HEPHL1: variants seen among roughly 807,000 people sequenced by gnomAD.
The protein encoded by HEPHL1 is hephaestin like 1.
A neutral mutation model predicts 122.0 loss-of-function variants in HEPHL1; 123 were observed. That is an observed-to-expected ratio of 1.01 (90% CI 0.87 to 1.17). The LOEUF (loss-of-function observed/expected upper bound fraction) is 1.17. Among genes scored for constraint, HEPHL1 ranks in the 50% most tolerant of loss-of-function variants. The probability of loss-of-function intolerance (pLI) is 0.00; values close to 1 mark genes in which losing one functional copy is unlikely to be tolerated. For missense variants in HEPHL1, 1,452 were observed against 1,430.5 expected, an observed-to-expected ratio of 1.01 and a Z score of -0.24; for synonymous variants, 527 against 508.9, an observed-to-expected ratio of 1.04 and a Z score of -0.48.
At chr11:94,057,522 T>C (rs1259308488) in intron 2 of HEPHL1, among the ~76,000 whole-genome samples, 1 of 152,152 alleles carries the variant, frequency 6.6e-6, no homozygotes, top group Admixed American at 6.6e-5. Flanking sequence ...ACTGATACTT[T>C]CTTTTGCTTT....
rs1465689505 is a variant in HEPHL1, at chr11:94,111,577, A to G, written c.3249A>G (p.Ala1083=). Residue 1083 remains alanine, a synonymous_variant, in exon 19 of 20, where the codon GCA becomes GCG. Coordinates refer to ENST00000315765, the MANE Select transcript of HEPHL1 (RefSeq NM_001098672.2). ...ACTCCACCACATCTCCTGGAGTGGC[A>G]TCTCACCCAGCCACGGTGCCATCTA... The part of the protein sequence containing the change: ...IPYSTTSPGV[A]SHPATVPSNE... 1 of 1,606,346 alleles carries G rather than the reference A, an allele frequency of 6.2e-7. No individual in the cohort carries two copies. The highest frequency in any genetic ancestry group is 8.5e-7 in the Non-Finnish European group (1 of 1,176,134).
chr11:94,063,682 G>T lies in HEPHL1; in HGVS notation c.590G>T (p.Cys197Phe), dbSNP rs1217696217. The T allele has an allele frequency of 1.2e-6, 2 of 1,613,674 alleles. No individual in the cohort carries two copies. Among genetic ancestry groups the T allele is most frequent in the Non-Finnish European group, 1.7e-6 (2 of 1,179,816 alleles). Reference sequence around the variant, plus strand: ...CACATCGACGCCCCAAAGGACATCTGCTCTGGGCTAATTGGGCCCCTGCTG... The same window carrying T: ...CACATCGACGCCCCAAAGGACATCTTCTCTGGGCTAATTGGGCCCCTGCTG... The part of the protein sequence containing the change: ...HSHIDAPKDI[C>F]SGLIGPLLVC... Residue 197 changes from cysteine to phenylalanine, a missense_variant, in exon 3 of 20, where the codon TGC becomes TTC. Cys to Phe is a radical substitution (Grantham distance 205, BLOSUM62 -2). Transcript: ENST00000315765.
Position 94,045,584 on chromosome 11 carries a change from T to C in HEPHL1, c.171-89T>C, listed in dbSNP as rs1051076707. ...ATAGTGAACACCAAATGAGAGGTCATACATGCAATACTTTATAAACTCCTA... is the reference window on the plus strand; with the variant it reads ...ATAGTGAACACCAAATGAGAGGTCACACATGCAATACTTTATAAACTCCTA... On this transcript the variant is annotated intron_variant, in intron 1 of 19. Coordinates refer to ENST00000315765, the MANE Select transcript of HEPHL1 (RefSeq NM_001098672.2). 3 of 1,127,746 alleles carry C rather than the reference T, an allele frequency of 2.7e-6. No homozygotes were observed. The African/African-American group carries it at 4.7e-5, about 18-fold the overall frequency. The allele number at this position is 1,127,746 out of a possible 1,614,324, so 69.9% of individuals were successfully genotyped here.
intron 12 of HEPHL1, among the ~76,000 whole-genome samples, chr11:94,091,329 A>G (rs1454974387): frequency 6.6e-6 from 1 of 152,186 alleles, no homozygotes; most frequent in Admixed American, 6.5e-5. Context: ...CCTCATATCA[A>G]TTCCATGAGG....
At chr11:94,080,283 T>C (rs762047901) in intron 9 of HEPHL1, among the ~76,000 whole-genome samples, 1 of 152,156 alleles carries the variant, frequency 6.6e-6, no homozygotes, top group Admixed American at 6.5e-5. Context: ...TTACACCTTA[T>C]ACAAAAATTA....
chr11:94,053,197 T>C (rs1175321772), intron 2 of HEPHL1, among the ~76,000 whole-genome samples: 1 of 152,102 alleles, frequency 6.6e-6, no homozygotes. Context: ...TTTGGTAACT[T>C]GTGTCTTCCT....
rs537381374 is a variant in HEPHL1 at position 94,106,574 on chromosome 11, C to T, written c.3045+444C>T. On this transcript the variant is annotated intron_variant, in intron 17 of 19. Coordinates refer to ENST00000315765, the MANE Select transcript of HEPHL1 (RefSeq NM_001098672.2). ...CCTCCCACAGTGCTGAGATTACAGG[C>T]GTGAGCCACCACGCCAGGCCTGGCT... Among the ~76,000 whole-genome samples the T allele has an allele frequency of 2.0e-4, 30 of 152,056 alleles. 2 individuals carry two copies. Among genetic ancestry groups the T allele is most frequent in the African/African-American group, 6.5e-4 (27 of 41,518 alleles).
chr11:94,037,552 TCCCTGAC>T (rs1277596904), intron 1 of HEPHL1, among the ~76,000 whole-genome samples: 1 of 152,010 alleles, frequency 6.6e-6, no homozygotes, highest in Non-Finnish European at 1.5e-5. Flanking sequence ...CTCAAGTGGG[TCCCTGAC>T]CCCTGACCCC....
At position 94,110,606 on chromosome 11, in the gene HEPHL1, C is replaced by A. The variant is rs77753703; in HGVS notation, c.3046-297C>A. Reference sequence around the variant, plus strand: ...ACATGCTATTGATTTCGCATACCAACCCTTATACAATGTAGGTAGGAACCA... The same window carrying A: ...ACATGCTATTGATTTCGCATACCAAACCTTATACAATGTAGGTAGGAACCA... On this transcript the variant is annotated intron_variant, in intron 17 of 19. Coordinates refer to ENST00000315765, the MANE Select transcript of HEPHL1 (RefSeq NM_001098672.2). Among the ~76,000 whole-genome samples the A allele has an allele frequency of 5.5e-3, 836 of 152,242 alleles. 6 individuals carry two copies. The highest frequency in any genetic ancestry group is 0.017 in the Middle Eastern group (5 of 294).
intron 14 of HEPHL1, 68 bp from the exon 15 acceptor site, chr11:94,102,846 A>G (rs1459564666): frequency 1.3e-6 from 1 of 798,682 alleles, no homozygotes; most frequent in Non-Finnish European, 2.1e-6. Context: ...ACCTGCTTAT[A>G]TTTCTTCAGA....
intron 2 of HEPHL1, among the ~76,000 whole-genome samples, chr11:94,047,443 A>C (rs1465889503): frequency 6.6e-6 from 1 of 152,080 alleles, no homozygotes; most frequent in Non-Finnish European, 1.5e-5. Context: ...CCCACTTATA[A>C]GTGAGAATAT....
chr11:94,112,192 G>T lies in HEPHL1; in HGVS notation c.*298G>T, dbSNP rs1946455869. 4.1e-6 allele frequency: 1 copy of T among 241,442 alleles called. No individual in the cohort carries two copies. The highest frequency in any genetic ancestry group is 7.9e-6 in the Non-Finnish European group (1 of 126,940). The allele number at this position is 241,442 out of a possible 1,614,324, so 15.0% of individuals were successfully genotyped here. A position where few individuals can be genotyped will look rare whatever the true frequency, so the allele number is the denominator to read the frequency against. Reference sequence around the variant, plus strand: ...TCACTGAATAGGAGACACTCTGAAAGATATCTTTATATTCCATCTTTTATA... The same window carrying T: ...TCACTGAATAGGAGACACTCTGAAATATATCTTTATATTCCATCTTTTATA... On this transcript the variant is annotated 3_prime_UTR_variant, in exon 20 of 20. Transcript: ENST00000315765.
Position 94,075,173 on chromosome 11 carries a change from G to A in HEPHL1, c.1505-1G>A. 4 of 1,611,832 alleles carry A rather than the reference G, an allele frequency of 2.5e-6. No homozygotes were observed. The highest frequency in any genetic ancestry group is 3.4e-6 in the Non-Finnish European group (4 of 1,178,814). ...AATAATTGTTTTGTTTATATCCTCA[G>A]GATTTGTGAAACCAGGGGCGCATGT... On this transcript the variant is annotated splice_acceptor_variant, in intron 8 of 19. Coordinates refer to ENST00000315765, the MANE Select transcript of HEPHL1 (RefSeq NM_001098672.2). LOFTEE classifies it high-confidence loss of function.
Position 94,104,765 on chromosome 11 carries a change from T to C in HEPHL1, c.2905+15T>C. The C allele has an allele frequency of 6.4e-7, 1 of 1,573,794 alleles. No homozygotes were observed. Among genetic ancestry groups the C allele is most frequent in the Non-Finnish European group, 8.7e-7 (1 of 1,146,984 alleles). On this transcript the variant is annotated intron_variant, in intron 16 of 19. Transcript: ENST00000315765. ...CAGAATGCATGGTATATCCAAAGTT[T>C]AAAAAGAAGCCTATGTTGAGATAAG...
At position 94,045,712 on chromosome 11, in the gene HEPHL1, A is replaced by G; in HGVS notation, c.210A>G (p.Ile70Met). 1 of 1,612,320 alleles carries G rather than the reference A, an allele frequency of 6.2e-7. No individual in the cohort carries two copies. The highest frequency in any genetic ancestry group is 8.5e-7 in the Non-Finnish European group (1 of 1,178,954). ...TLFLERGPNR[I>M]GSIYKKAVYR... ...TTCTCGAAAGAGGGCCCAACAGGAT[A>G]GGCAGTATTTACAAAAAGGCTGTTT... Residue 70 changes from isoleucine to methionine, a missense_variant, in exon 2 of 20, where the codon ATA becomes ATG. Transcript: ENST00000315765.
At chr11:94,076,678 A>G (rs1946128081) in intron 9 of HEPHL1, among the ~76,000 whole-genome samples, 1 of 152,144 alleles carries the variant, frequency 6.6e-6, no homozygotes. Context: ...ATTTGGCCAG[A>G]TGGAAAGGTA....
intron 16 of HEPHL1, among the ~76,000 whole-genome samples, chr11:94,105,295 G>A (rs940521753): frequency 1.5e-4 from 23 of 152,136 alleles, no homozygotes; most frequent in African/African-American, 4.8e-4. Flanking sequence ...AAAGCTACTT[G>A]TTAATATAGA....
chr11:94,046,345 G>A (rs113313258), intron 2 of HEPHL1, among the ~76,000 whole-genome samples: 8 of 151,034 alleles, frequency 5.3e-5, no homozygotes, highest in South Asian at 2.1e-4. Context: ...TGATCCGCCC[G>A]CCTCAGCCTC....
At position 94,075,273 on chromosome 11, in the gene HEPHL1, G is replaced by C. The variant is rs765303188; in HGVS notation, c.1604G>C (p.Cys535Ser). The part of the protein sequence containing the change: ...SVSPTAGDPP[C>S]LTYLYFSAVD... The stretch of plus-strand genomic sequence containing the variant: ...AGCCCAACTGCTGGTGATCCTCCCT[G>C]TCTGACCTATCTTTACTTCTCAGCA... The change falls in exon 9 of 20, where the codon TGT becomes TCT. Residue 535 changes from cysteine (C) to serine (S), a missense_variant. By Grantham distance (112) the Cys-to-Ser change is moderately radical (BLOSUM62 -1). Coordinates refer to ENST00000315765, the MANE Select transcript of HEPHL1 (RefSeq NM_001098672.2). The C allele has an allele frequency of 1.9e-6, 3 of 1,613,512 alleles. No homozygotes were observed. The South Asian group carries it at 3.3e-5, about 18-fold the overall frequency.
Sources: allele counts gnomAD v4.1 joint callset (sites outside exome capture counted in the v4.1 genomes callset), GRCh38; gene constraint gnomAD v4.1.1; transcripts MANE v1.5; gene names NCBI Gene and HGNC (gene_info 2026-07-23, HGNC 2026-07-21).